TNKS: variants seen among roughly 807,000 people sequenced by gnomAD.
TNKS encodes poly [ADP-ribose] polymerase tankyrase-1.
A neutral mutation model predicts 135.8 loss-of-function variants in TNKS; 72 were observed. That is an observed-to-expected ratio of 0.53 (90% CI 0.44 to 0.64). The LOEUF is 0.64. TNKS is among the 30% of genes least tolerant of loss of function. The pLI, the probability that TNKS is intolerant of heterozygous loss-of-function variation, is 0.00. For missense variants in TNKS, 1,769 were observed against 1,674.0 expected (o/e 1.06, Z -0.99); for synonymous variants, 849 against 649.3 (o/e 1.31, Z -4.68).
intron 5 of TNKS, among the ~76,000 whole-genome samples, chr8:9,694,432 GC>G (rs1482856067): frequency 6.6e-6 from 1 of 152,076 alleles, no homozygotes; most frequent in Non-Finnish European, 1.5e-5. Flanking sequence ...AAAGATCGTG[GC>G]AAGTGTTTTC....
chr8:9,710,600 CT>C (rs1231657972), intron 11 of TNKS, among the ~76,000 whole-genome samples: 1 of 152,094 alleles, frequency 6.6e-6, no homozygotes, highest in Non-Finnish European at 1.5e-5. Flanking sequence ...TCTACTTATT[CT>C]AAAAAACATT....
chr8:9,729,145 A>G (rs1300156429), intron 13 of TNKS, among the ~76,000 whole-genome samples: 1 of 152,188 alleles, frequency 6.6e-6, no homozygotes, highest in South Asian at 2.1e-4. Context: ...GCGGAAGGGC[A>G]AAACGGCCAA....
At chr8:9,668,234 GTTTATGTC>G (rs779249981) in intron 3 of TNKS, among the ~76,000 whole-genome samples, 3 of 152,200 alleles carry the variant, frequency 2.0e-5, no homozygotes, top group Non-Finnish European at 4.4e-5. Flanking sequence ...GTTTGTATCA[GTTTATGTC>G]TGTGTAAATA....
At chr8:9,653,971 C>G (rs528528722) in intron 3 of TNKS, among the ~76,000 whole-genome samples, 2 of 152,266 alleles carry the variant, frequency 1.3e-5, no homozygotes, top group Non-Finnish European at 2.9e-5. Context: ...TTTCCTTAGG[C>G]TCTTCATGGT....
At chr8:9,772,545 G>A (rs1214475661) in intron 26 of TNKS, 1 of 382,828 alleles carries the variant, frequency 2.6e-6, no homozygotes, top group East Asian at 7.3e-5. Flanking sequence ...TGAGGCCCAA[G>A]AGACATGAAA....
intron 20 of TNKS, among the ~76,000 whole-genome samples, chr8:9,758,054 A>G (rs1028222399): frequency 2.0e-5 from 3 of 152,212 alleles, no homozygotes; most frequent in Admixed American, 1.3e-4. Flanking sequence ...AGATACAGCT[A>G]TACATCTCAG....
intron 3 of TNKS, among the ~76,000 whole-genome samples, chr8:9,629,894 G>A (rs12544673): frequency 0.16 from 23,884 of 152,062 alleles, 2,200 homozygotes; most frequent in East Asian, 0.29. Flanking sequence ...GTGTTAGCCA[G>A]GATGGTCTCG....
At chr8:9,563,258 C>A (rs1002561104) in intron 1 of TNKS, among the ~76,000 whole-genome samples, 1 of 152,118 alleles carries the variant, frequency 6.6e-6, no homozygotes, top group African/African-American at 2.4e-5. Context: ...TGATAACTGT[C>A]ACTTTCTTTT....
chr8:9,615,039 A>G (rs1341518719), intron 2 of TNKS, among the ~76,000 whole-genome samples: 3 of 152,178 alleles, frequency 2.0e-5, no homozygotes, highest in Non-Finnish European at 4.4e-5. Context: ...ACGCCAGGGG[A>G]CCAGGGTTAC....
rs765293997 is a variant in TNKS at position 9,710,040 on chromosome 8, A to G, written c.1664A>G (p.Asn555Ser). The change falls in exon 10 of 27, where the codon AAT becomes AGT. Residue 555 changes from asparagine (N) to serine (S), a missense_variant. Physicochemically the swap from Asn to Ser is conservative, Grantham distance 46. Around this residue, in one of 5 missense-constraint regions of TNKS, gnomAD observed 523 missense variants for 541.0 expected, o/e 0.97. Transcript: ENST00000310430. ...LRKGANVNEK[N>S]KDFMTPLHVA... ...AAAGGAGCAAATGTTAATGAAAAAA[A>G]TAAAGAGTAAGTATAATTGCAGAAG... is the stretch of plus-strand genomic sequence containing the variant. 6.2e-6 allele frequency: 10 copies of G among 1,613,760 alleles called. No homozygotes were observed. The South Asian group carries it at 1.1e-4, about 18-fold the overall frequency.
chr8:9,668,839 GA>G lies in TNKS; in HGVS notation c.995-11110del, dbSNP rs370703741. ...AAGGTAAGGTGGAATAGGGAACAGT[GA>G]ATAATAAATTGAATAAATTTAGTCT... On this transcript the variant is annotated intron_variant, in intron 3 of 26. Transcript: ENST00000310430. Among the ~76,000 whole-genome samples, 25 of 152,242 alleles carry G rather than the reference GA, an allele frequency of 1.6e-4. No homozygotes were observed. In the East Asian group the frequency reaches 3.5e-3, roughly 21 times the overall value.
chr8:9,666,374 A>G (rs950005167), intron 3 of TNKS, among the ~76,000 whole-genome samples: 17 of 152,246 alleles, frequency 1.1e-4, no homozygotes, highest in Admixed American at 6.5e-5. Flanking sequence ...AAGGAAATAT[A>G]TAAAGAGATT....
At chr8:9,610,204 T>G (rs530629357) in intron 2 of TNKS, among the ~76,000 whole-genome samples, 1 of 152,186 alleles carries the variant, frequency 6.6e-6, no homozygotes, top group African/African-American at 2.4e-5. Context: ...TCAGATAATT[T>G]GAAAAATAAA....
intron 1 of TNKS, among the ~76,000 whole-genome samples, chr8:9,559,824 CT>C (rs1419748235): frequency 6.6e-6 from 1 of 152,042 alleles, no homozygotes; most frequent in Non-Finnish European, 1.5e-5. Flanking sequence ...ATTAAGAATC[CT>C]TTGTATCCTA....
chr8:9,667,995 A>C (rs532834400), intron 3 of TNKS, among the ~76,000 whole-genome samples: 3 of 152,174 alleles, frequency 2.0e-5, no homozygotes, highest in Non-Finnish European at 2.9e-5. Context: ...TGTTGGAGAA[A>C]GTGATGGAGT....
chr8:9,676,608 A>T (rs1802547397), intron 3 of TNKS, among the ~76,000 whole-genome samples: 1 of 152,108 alleles, frequency 6.6e-6, no homozygotes, highest in African/African-American at 2.4e-5. Context: ...AAAAATAAAA[A>T]GAGCTTTATT....
At chr8:9,609,997 A>G (rs1342110449) in intron 2 of TNKS, among the ~76,000 whole-genome samples, 3 of 152,068 alleles carry the variant, frequency 2.0e-5, no homozygotes, top group East Asian at 3.9e-4. Context: ...AGCTGGGACT[A>G]CAGGCGCCCG....
intron 3 of TNKS, among the ~76,000 whole-genome samples, chr8:9,656,301 G>C (rs905275529): frequency 1.3e-5 from 2 of 152,226 alleles, no homozygotes; most frequent in African/African-American, 4.8e-5. Context: ...ATGGAACCAA[G>C]TGGGAGAACA....
rs529372800 is a variant in TNKS, at chr8:9,672,175, T to G, written c.995-7776T>G. On this transcript the variant is annotated intron_variant, in intron 3 of 26. Transcript: ENST00000310430. ...TGTTCTGTTTTATTAGAGATTATTCTTAATCTCTTACTATGCCTAGTTTAT... is the reference window on the plus strand; with the variant it reads ...TGTTCTGTTTTATTAGAGATTATTCGTAATCTCTTACTATGCCTAGTTTAT... Among the ~76,000 whole-genome samples, 9 of 152,344 alleles carry G rather than the reference T, an allele frequency of 5.9e-5. No homozygotes were observed. In the East Asian group the frequency reaches 1.5e-3, roughly 26 times the overall value.
Sources: gnomAD v4.1 joint callset for allele counts (sites outside exome capture counted in the v4.1 genomes callset) on GRCh38, gnomAD v4.1.1 for gene constraint, gnomAD v4.1.1 regional missense constraint, MANE v1.5 for transcripts, NCBI Gene and HGNC (gene_info 2026-07-23, HGNC 2026-07-21) for gene names.